Variants in MGST1 observed in about 807,000 individuals in gnomAD.
The protein encoded by MGST1 is glutathione S-transferase 12.
MGST1 carries 5 observed loss-of-function variants against 8.9 expected under a neutral mutation model. The ratio of observed to expected loss-of-function variants is 0.56; its 90% confidence interval spans 0.29 to 1.19. The LOEUF is 1.19. Ranked by LOEUF, MGST1 falls within the 50% of genes most tolerant of loss-of-function variation. MGST1 has a pLI of 0.08. For missense variants in MGST1, 182 were observed against 187.4 expected, an observed-to-expected ratio of 0.97 and a Z score of 0.17; for synonymous variants, 54 against 67.8, an observed-to-expected ratio of 0.80 and a Z score of 1.00.
At chr12:16,397,424 G>A (rs1940614422) in intron 1 of MGST1, among the ~76,000 whole-genome samples, 2 of 152,076 alleles carry the variant, frequency 1.3e-5, no homozygotes, top group Admixed American at 1.3e-4. Context: ...AGATAAATAG[G>A]TGGGACTTAA....
At chr12:16,479,956 C>G (rs1036192607) in intron 4 of MGST1, among the ~76,000 whole-genome samples, 1 of 152,034 alleles carries the variant, frequency 6.6e-6, no homozygotes, top group Admixed American at 6.6e-5. Context: ...ATGTAAATAT[C>G]AGGAGTCAAG....
At chr12:16,364,837 A>G (rs1435471916), downstream of MGST1, among the ~76,000 whole-genome samples, 1 of 152,094 alleles carries the variant, frequency 6.6e-6, no homozygotes, top group Non-Finnish European at 1.5e-5. This position sits in a 1 kb window ranked among gnomAD's most constrained non-coding sequence, Gnocchi z 5.7. Context: ...ATTTCTATTT[A>G]GGTTTCACTT....
At chr12:16,571,706 A>G (rs2137445208) in intron 4 of MGST1, among the ~76,000 whole-genome samples, 1 of 152,154 alleles carries the variant, frequency 6.6e-6, no homozygotes, top group Middle Eastern at 3.4e-3. Flanking sequence ...TCAAATATGC[A>G]GATTGAATTA....
chr12:16,446,491 G>A (rs1282671627), intron 4 of MGST1, among the ~76,000 whole-genome samples: 1 of 151,790 alleles, frequency 6.6e-6, no homozygotes, highest in Non-Finnish European at 1.5e-5. Context: ...TAAGAGATAT[G>A]TTTTGGCTGT....
intron 4 of MGST1, among the ~76,000 whole-genome samples, chr12:16,521,401 T>C (rs2137190208): frequency 6.6e-6 from 1 of 152,260 alleles, no homozygotes; most frequent in Admixed American, 6.5e-5. Flanking sequence ...ATTTACATTT[T>C]CCACTTCCTC....
chr12:16,496,357 G>C (rs1941469696), intron 4 of MGST1, among the ~76,000 whole-genome samples: 1 of 152,122 alleles, frequency 6.6e-6, no homozygotes, highest in African/African-American at 2.4e-5. Flanking sequence ...TGAATATCCA[G>C]AAACATGTGT....
intron 1 of MGST1, among the ~76,000 whole-genome samples, chr12:16,428,842 G>T (rs1044499886): frequency 2.0e-5 from 3 of 151,506 alleles, no homozygotes; most frequent in African/African-American, 7.3e-5. Context: ...CTTAATTTTT[G>T]GTCTATAAGA....
rs1012820799 is a variant in MGST1, at chr12:16,554,312, C to T, written n.483-35216C>T. On this transcript the variant is annotated intron_variant and non_coding_transcript_variant, in intron 4 of 4. Transcript: ENST00000538857. Reference sequence around the variant, plus strand: ...AAATGTTAGCCTAGCCATCTTCTTTCCCTAATGTTAGTGACTGACAATTAT... The same window carrying T: ...AAATGTTAGCCTAGCCATCTTCTTTTCCTAATGTTAGTGACTGACAATTAT... 7.9e-5 allele frequency among the ~76,000 whole-genome samples: 12 copies of T among 152,194 alleles called. 1 individual carries two copies. Among genetic ancestry groups the T allele is most frequent in the African/African-American group, 2.9e-4 (12 of 41,434 alleles).
In MGST1 at chr12:16,559,411, T is replaced by C. The variant is rs559223013; in HGVS notation, n.483-30117T>C. 6.6e-6 allele frequency among the ~76,000 whole-genome samples: 1 copy of C among 152,244 alleles called. No individual in the cohort carries two copies. The highest frequency in any genetic ancestry group is 2.1e-4 in the South Asian group (1 of 4,826). ...TCTGAGATGAACTAATCCAGCTTCA[T>C]ATGTTACAAATGAAAAACCTGAGGT... is the stretch of plus-strand genomic sequence containing the variant. On this transcript the variant is annotated intron_variant and non_coding_transcript_variant, in intron 4 of 4. Coordinates refer to the MGST1 transcript ENST00000538857. This position sits in a 1 kb window ranked among gnomAD's most constrained non-coding sequence, Gnocchi z 4.1.
chr12:16,351,768 C>T (rs1326630912), intron 1 of MGST1, among the ~76,000 whole-genome samples: 1 of 152,048 alleles, frequency 6.6e-6, no homozygotes, highest in Non-Finnish European at 1.5e-5. Context: ...CAAGATTGCA[C>T]CACTGCACTG....
At chr12:16,455,962 A>G (rs977903394) in intron 4 of MGST1, among the ~76,000 whole-genome samples, 1 of 151,856 alleles carries the variant, frequency 6.6e-6, no homozygotes, top group Non-Finnish European at 1.5e-5. Context: ...GTCATATTGA[A>G]CTATTAAATG....
chr12:16,587,906 C>T lies in MGST1; in HGVS notation n.483-1622C>T, dbSNP rs910417663. ...AGTCCACAAGCATTGCTACATTTCT[C>T]ATGAAAGAAAACCTTGATTTAATTT... On this transcript the variant is annotated intron_variant and non_coding_transcript_variant, in intron 4 of 4. Coordinates refer to the MGST1 transcript ENST00000538857. This position sits in a 1 kb window ranked among gnomAD's most constrained non-coding sequence, Gnocchi z 4.3. 5.3e-5 allele frequency among the ~76,000 whole-genome samples: 8 copies of T among 152,084 alleles called. 1 individual carries two copies. In the South Asian group the frequency reaches 6.2e-4, roughly 12 times the overall value.
At chr12:16,495,389 T>C (rs187017602) in intron 4 of MGST1, among the ~76,000 whole-genome samples, 470 of 152,134 alleles carry the variant, frequency 3.1e-3, no homozygotes, top group Non-Finnish European at 4.7e-3. Context: ...GACGGGATCA[T>C]TCCTACTCCA....
In MGST1 at chr12:16,513,985, CCAGAG is replaced by C. The variant is rs759378084; in HGVS notation, n.483-75540_483-75536del. On this transcript the variant is annotated intron_variant and non_coding_transcript_variant, in intron 4 of 4. Transcript: ENST00000538857. The surrounding 1 kb of genome is among the most constrained non-coding windows in gnomAD (Gnocchi z 4.2). Reference sequence around the variant, plus strand: ...CACTGTGGAGGACATTTCAAAAACACCAGAGCAAAGTCTTCTTCTTCTGCATGCTT... The same window carrying C: ...CACTGTGGAGGACATTTCAAAAACACCAAAGTCTTCTTCTTCTGCATGCTT... 29 of 459,882 alleles carry C rather than the reference CCAGAG, an allele frequency of 6.3e-5. No individual in the cohort carries two copies. In the Middle Eastern group the frequency reaches 3.9e-3, roughly 62 times the overall value. 28.5% of individuals were successfully genotyped at this position (459,882 alleles called of 1,614,324 possible).
chr12:16,470,113 A>G (rs940929939), intron 4 of MGST1, among the ~76,000 whole-genome samples: 40 of 152,204 alleles, frequency 2.6e-4, no homozygotes, highest in African/African-American at 9.4e-4. Context: ...TACTTATCTA[A>G]GTATTATTTT....
chr12:16,401,223 G>A lies in MGST1; in HGVS notation n.778+17619G>A. The stretch of plus-strand genomic sequence containing the variant: ...TAAGCACTGTGTCACTAAGGAACAG[G>A]GCATAGGTTTTCTCTTCTGGCTTTT... On this transcript the variant is annotated intron_variant and non_coding_transcript_variant, in intron 1 of 1. Transcript: ENST00000359720. The surrounding 1 kb of genome is among the most constrained non-coding windows in gnomAD (Gnocchi z 4.3). 5.7e-6 allele frequency: 9 copies of A among 1,568,694 alleles called. No homozygotes were observed. Among genetic ancestry groups the A allele is most frequent in the African/African-American group, 1.4e-5 (1 of 74,050 alleles).
At chr12:16,542,817 C>G (rs1941800451) in intron 4 of MGST1, among the ~76,000 whole-genome samples, 1 of 152,182 alleles carries the variant, frequency 6.6e-6, no homozygotes, top group Non-Finnish European at 1.5e-5. Context: ...ATCTGTTCAA[C>G]ATCTGTGATG....
At chr12:16,454,366 A>T (rs1941152715) in intron 4 of MGST1, among the ~76,000 whole-genome samples, 1 of 152,012 alleles carries the variant, frequency 6.6e-6, no homozygotes, top group African/African-American at 2.4e-5. Context: ...ATGTTAAATT[A>T]TTAAAAAATA....
intron 4 of MGST1, among the ~76,000 whole-genome samples, chr12:16,511,210 C>G (rs1280959977): frequency 6.6e-6 from 1 of 152,096 alleles, no homozygotes; most frequent in Non-Finnish European, 1.5e-5. Flanking sequence ...TTTTTTATTC[C>G]TCCTGATAGT....
Sources: allele counts gnomAD v4.1 joint callset (sites outside exome capture counted in the v4.1 genomes callset), GRCh38; gene constraint gnomAD v4.1.1; non-coding constraint Gnocchi (gnomAD v3.1); transcripts MANE v1.5; gene names NCBI Gene and HGNC (gene_info 2026-07-23, HGNC 2026-07-21).